The following ZSCAN25 variants were observed in gnomAD, a reference collection of about 807,000 sequenced individuals.
The protein encoded by ZSCAN25 is zinc finger and SCAN domain-containing protein 25.
In ZSCAN25, 27 loss-of-function variants were observed where a neutral mutation model predicts 38.7. That is an observed-to-expected ratio of 0.70 (90% confidence interval 0.51 to 0.96). The LOEUF is 0.96. Among genes scored for constraint, ZSCAN25 ranks in the 40% least tolerant of loss-of-function variants. The pLI is 0.00. For missense variants in ZSCAN25, 637 were observed against 705.9 expected (o/e 0.90, Z 1.11); for synonymous variants, 273 against 277.7 (o/e 0.98, Z 0.17).
the ZSCAN25 span, chr7:99,648,505 A>G: frequency 2.9e-6 from 2 of 696,908 alleles, no homozygotes; most frequent in South Asian, 1.8e-5. Context: ...GCAAGCATAT[A>G]AAAACGACTC....
the ZSCAN25 span, chr7:99,660,205 G>T: frequency 1.0e-6 from 1 of 962,182 alleles, no homozygotes. Flanking sequence ...CCATCTTCTC[G>T]CCACACTCCT....
the ZSCAN25 span, chr7:99,722,275 G>A: frequency 2.5e-6 from 4 of 1,613,152 alleles, no homozygotes; most frequent in Non-Finnish European, 3.4e-6. Context: ...TCTATCCAAT[G>A]GAATCTTCCA....
At chr7:99,685,852 G>A in the ZSCAN25 span, among the ~76,000 whole-genome samples, 72 of 152,220 alleles carry the variant, frequency 4.7e-4, no homozygotes, top group African/African-American at 1.7e-3. Context: ...TGGTGGCCCA[G>A]GGACTCCCAG....
chr7:99,632,337 A>T lies in ZSCAN25; in HGVS notation c.*2317A>T, dbSNP rs2151306959. The T allele has an allele frequency of 1.4e-6, 1 of 728,528 alleles. No individual in the cohort carries two copies. Among genetic ancestry groups the T allele is most frequent in the South Asian group, 6.3e-5 (1 of 15,982 alleles). 45.1% of individuals were successfully genotyped at this position (728,528 alleles called of 1,614,324 possible). ...TTTAGAAATTTTTTTATAATAGATA[A>T]TTTCAAACCTATATAAATAAATCCT... On this transcript the variant is annotated 3_prime_UTR_variant, in exon 8 of 8. Coordinates refer to ENST00000394152, the MANE Select transcript of ZSCAN25 (RefSeq NM_145115.3).
At chr7:99,720,043 C>T in the ZSCAN25 span, among the ~76,000 whole-genome samples, 1 of 151,954 alleles carries the variant, frequency 6.6e-6, no homozygotes, top group Non-Finnish European at 1.5e-5. Context: ...AAAAAACTAC[C>T]CACACAAATG....
At chr7:99,644,131 G>A in the ZSCAN25 span, among the ~76,000 whole-genome samples, 27 of 152,204 alleles carry the variant, frequency 1.8e-4, no homozygotes, top group South Asian at 4.1e-4. Flanking sequence ...CATTGTCACC[G>A]TCACCATCAT....
chr7:99,682,571 T>A, the ZSCAN25 span, among the ~76,000 whole-genome samples: 1 of 152,176 alleles, frequency 6.6e-6, no homozygotes, highest in South Asian at 2.1e-4. Context: ...TTCCTCCAGT[T>A]TTGTTCTTTT....
chr7:99,700,448 T>C, the ZSCAN25 span, among the ~76,000 whole-genome samples: 2 of 152,088 alleles, frequency 1.3e-5, no homozygotes. Flanking sequence ...TCTTTACCCA[T>C]GCAATTCCCT....
chr7:99,621,327 G>GCCTT, intron 4 of ZSCAN25, 46 bp from the exon 5 acceptor site: 1 of 1,313,432 alleles, frequency 7.6e-7, no homozygotes, highest in Non-Finnish European at 9.8e-7. Context: ...CTTCATAACA[G>GCCTT]CCTTGCCCAG....
the ZSCAN25 span, chr7:99,652,367 A>G: frequency 2.1e-6 from 1 of 480,790 alleles, no homozygotes; most frequent in Non-Finnish European, 3.7e-6. Flanking sequence ...GGGACTGTGG[A>G]TGGATGTAGT....
the ZSCAN25 span, among the ~76,000 whole-genome samples, chr7:99,669,677 A>G: frequency 6.6e-6 from 1 of 152,218 alleles, no homozygotes; most frequent in Admixed American, 6.5e-5. Context: ...GATACGGCAC[A>G]ACTTGCTATT....
chr7:99,652,352 G>T, the ZSCAN25 span: 1 of 456,132 alleles, frequency 2.2e-6, no homozygotes, highest in South Asian at 4.5e-5. Context: ...TCTTTGTCTT[G>T]TGCTGGGACT....
the ZSCAN25 span, among the ~76,000 whole-genome samples, chr7:99,651,507 C>T: frequency 1.3e-5 from 2 of 152,100 alleles, no homozygotes; most frequent in Admixed American, 1.3e-4. Context: ...AAGTCCTCTA[C>T]TCCAGAAAAC....
At chr7:99,645,105 C>T in the ZSCAN25 span, among the ~76,000 whole-genome samples, 2 of 152,218 alleles carry the variant, frequency 1.3e-5, no homozygotes, top group African/African-American at 4.8e-5. Flanking sequence ...ATTCTCGTGC[C>T]TCAGCCTCCC....
rs138663458 is a variant in ZSCAN25, at chr7:99,619,920, A to G, written c.314A>G (p.His105Arg). The G allele has an allele frequency of 1.5e-4, 235 of 1,614,130 alleles. No homozygotes were observed. Among genetic ancestry groups the G allele is most frequent in the Non-Finnish European group, 1.8e-4 (216 of 1,180,062 alleles). ...GAGTTCTACGCCTGGATCCGGGAGC[A>G]TGGCCCAGAGAGTGGCAAGGCCCTG... is the stretch of plus-strand genomic sequence containing the variant. ...PREFYAWIRE[H>R]GPESGKALAA... The change falls in exon 4 of 8, where the codon CAT becomes CGT. Residue 105 changes from histidine (H) to arginine (R), a missense_variant. Physicochemically the swap from His to Arg is conservative, Grantham distance 29. Transcript: ENST00000394152.
chr7:99,731,742 C>G, the ZSCAN25 span, among the ~76,000 whole-genome samples: 24 of 152,224 alleles, frequency 1.6e-4, no homozygotes, highest in African/African-American at 5.1e-4. Context: ...ACAGAGAGGT[C>G]TTGGAGGAGT....
the ZSCAN25 span, chr7:99,679,948 G>A: frequency 6.7e-7 from 1 of 1,496,760 alleles, no homozygotes; most frequent in Non-Finnish European, 9.3e-7. Context: ...TTAGCTGAGT[G>A]CTGCTGTTTG....
At chr7:99,660,214 C>CT in the ZSCAN25 span, 2,260 of 429,854 alleles carry the variant, frequency 5.3e-3, 250 homozygotes, top group African/African-American at 0.029. Flanking sequence ...CGCCACACTC[C>CT]TTTTTTTTTT....
In ZSCAN25 at chr7:99,631,300, G is replaced by C; in HGVS notation, c.*1280G>C. The C allele has an allele frequency of 1.0e-6, 1 of 985,330 alleles. No homozygotes were observed. Among genetic ancestry groups the C allele is most frequent in the Non-Finnish European group, 1.2e-6 (1 of 829,924 alleles). The allele number at this position is 985,330 out of a possible 1,614,324, so 61.0% of individuals were successfully genotyped here. ...CCACTGGGGATGATGAGCTGGTAGCGACCTGTTTTGCATGAGTGCCAAGTC... is the reference window on the plus strand; with the variant it reads ...CCACTGGGGATGATGAGCTGGTAGCCACCTGTTTTGCATGAGTGCCAAGTC... On this transcript the variant is annotated 3_prime_UTR_variant, in exon 8 of 8. Transcript: ENST00000394152.
Sources: allele counts gnomAD v4.1 joint callset (sites outside exome capture counted in the v4.1 genomes callset), GRCh38; gene constraint gnomAD v4.1.1; transcripts MANE v1.5; gene names NCBI Gene and HGNC (gene_info 2026-07-23, HGNC 2026-07-21).